The following USP54 variants were observed in gnomAD, a reference collection of about 807,000 sequenced individuals.
The protein encoded by USP54 is ubiquitin carboxyl-terminal hydrolase 54.
USP54 carries 87 observed loss-of-function variants against 170.5 expected under a neutral mutation model. The observed-to-expected ratio is 0.51, with a 90% CI of 0.43 to 0.61. The LOEUF (loss-of-function observed/expected upper bound fraction) is 0.61. Among genes scored for constraint, USP54 ranks in the 20% least tolerant of loss-of-function variants. USP54 has a pLI of 0.00. For missense variants in USP54, 1,786 were observed against 2,047.8 expected, an observed-to-expected ratio of 0.87 and a Z score of 2.47; for synonymous variants, 655 against 742.8, an observed-to-expected ratio of 0.88 and a Z score of 1.92.
chr10:73,525,360 G>A (rs534093819), intron 16 of USP54, among the ~76,000 whole-genome samples: 175 of 152,280 alleles, frequency 1.1e-3, no homozygotes, highest in African/African-American at 2.7e-3. Context: ...AAATTGTGGC[G>A]CATAAATAGG....
chr10:73,591,108 G>C (rs1432115492), intron 1 of USP54, among the ~76,000 whole-genome samples, 170 bp downstream of exon 1: 1 of 151,804 alleles, frequency 6.6e-6, no homozygotes, highest in East Asian at 1.9e-4. Flanking sequence ...CTTGAAAGTT[G>C]AGAGTCCTAA....
At chr10:73,602,606 C>T (rs1252545597) in intron 1 of USP54, among the ~76,000 whole-genome samples, 1 of 150,494 alleles carries the variant, frequency 6.6e-6, no homozygotes, top group African/African-American at 2.4e-5. Context: ...TGCCTATAAT[C>T]CCAGAACTTT....
At chr10:73,621,613 A>C (rs1362927867) in intron 1 of USP54, among the ~76,000 whole-genome samples, 1 of 151,908 alleles carries the variant, frequency 6.6e-6, no homozygotes, top group African/African-American at 2.4e-5. Flanking sequence ...AAAAAAAAAA[A>C]AAAAAACTAC....
At chr10:73,503,603 A>T (rs959882129) in intron 22 of USP54, among the ~76,000 whole-genome samples, 2 of 152,266 alleles carry the variant, frequency 1.3e-5, no homozygotes, top group African/African-American at 4.8e-5. Context: ...TTGAAAGTAC[A>T]TGAGAACAAA....
intron 4 of USP54, among the ~76,000 whole-genome samples, chr10:73,550,250 A>G (rs1436878666): frequency 6.6e-6 from 1 of 152,152 alleles, no homozygotes; most frequent in Admixed American, 6.5e-5. Flanking sequence ...GGTTCACCCT[A>G]CACCAGCTGG....
intron 20 of USP54, among the ~76,000 whole-genome samples, chr10:73,509,439 C>CA (rs1229372512): frequency 0.02 from 2,094 of 106,670 alleles, 34 homozygotes; most frequent in Non-Finnish European, 0.031. Context: ...CTGTCTCTAC[C>CA]AAAAAAAAAA....
chr10:73,536,253 G>A lies in USP54; in HGVS notation c.1144+16C>T, dbSNP rs772469988. 2 of 1,613,428 alleles carry A rather than the reference G, an allele frequency of 1.2e-6. No homozygotes were observed. Among genetic ancestry groups the A allele is most frequent in the Non-Finnish European group, 1.7e-6 (2 of 1,179,752 alleles). On this transcript the variant is annotated intron_variant, in intron 11 of 23. Coordinates refer to ENST00000687698, the MANE Select transcript of USP54 (RefSeq NM_001391956.1). ...GGGGTGAGGAGAGAGGAGAGGTAAA[G>A]AGCCTGGCTGCTCACCTGAATCTTC...
chr10:73,566,015 G>A (rs2073697702), intron 4 of USP54, among the ~76,000 whole-genome samples: 1 of 152,134 alleles, frequency 6.6e-6, no homozygotes, highest in South Asian at 2.1e-4. Context: ...CAGATCACCT[G>A]AGGTCAGGAG....
At chr10:73,548,389 C>T (rs2068368582) in intron 4 of USP54, among the ~76,000 whole-genome samples, 1 of 152,022 alleles carries the variant, frequency 6.6e-6, no homozygotes, top group African/African-American at 2.4e-5. Flanking sequence ...GGTATATACC[C>T]AAAGGATTAT....
chr10:73,612,724 C>T (rs1036060960), intron 1 of USP54, among the ~76,000 whole-genome samples: 5 of 151,424 alleles, frequency 3.3e-5, no homozygotes, highest in Non-Finnish European at 7.4e-5. Flanking sequence ...TGCCTGTACC[C>T]CACTTACTCA....
At chr10:73,602,421 C>T (rs894925085) in intron 1 of USP54, among the ~76,000 whole-genome samples, 5 of 151,600 alleles carry the variant, frequency 3.3e-5, no homozygotes, top group African/African-American at 9.7e-5. Context: ...GGCGTGGTGG[C>T]GGGCATCTGT....
At chr10:73,585,891 C>T (rs2077422843) in intron 1 of USP54, among the ~76,000 whole-genome samples, 2 of 151,944 alleles carry the variant, frequency 1.3e-5, no homozygotes, top group South Asian at 4.2e-4. Context: ...CGTGGTGGCG[C>T]GTGCCTGTAG....
chr10:73,592,471 C>CAAAAAAAA (rs367984467), upstream of USP54, among the ~76,000 whole-genome samples: 1 of 67,362 alleles, frequency 1.5e-5, no homozygotes, highest in African/African-American at 4.7e-5. Context: ...GAAAGTGCCA[C>CAAAAAAAA]AAAAAAAAAA....
In USP54 at chr10:73,621,021, T is replaced by G. The variant is rs1168087118; in HGVS notation, c.-18+4546A>C. ...AAATACAAAAATTAGCTGAGCTCGG[T>G]GGCACGTGCCTGTAATCCCAGCTAC... On this transcript the variant is annotated intron_variant, in intron 1 of 22. Transcript: ENST00000339859. Among the ~76,000 whole-genome samples the G allele has an allele frequency of 1.3e-5, 2 of 150,108 alleles. 1 individual carries two copies. The highest frequency in any genetic ancestry group is 5.1e-5 in the African/African-American group (2 of 39,562).
chr10:73,605,513 C>A (rs1174468312), intron 1 of USP54, among the ~76,000 whole-genome samples: 1 of 151,880 alleles, frequency 6.6e-6, no homozygotes, highest in East Asian at 1.9e-4. Flanking sequence ...GGCAACAGAG[C>A]AAGACTCTGT....
intron 1 of USP54, among the ~76,000 whole-genome samples, chr10:73,587,172 T>G (rs1256787935): frequency 1.3e-5 from 2 of 152,052 alleles, no homozygotes; most frequent in Admixed American, 6.6e-5. Flanking sequence ...AACATAGTGG[T>G]TAAAAGTATA....
chr10:73,499,468 C>T (rs917811885), intron 23 of USP54: 5 of 350,252 alleles, frequency 1.4e-5, no homozygotes, highest in Middle Eastern at 7.9e-4. Flanking sequence ...ACTATACACA[C>T]ACCTACAAAA....
At chr10:73,592,327 G>A (rs557810743), upstream of USP54, among the ~76,000 whole-genome samples, 5 of 151,998 alleles carry the variant, frequency 3.3e-5, no homozygotes, top group South Asian at 8.3e-4. Flanking sequence ...GAAAATATAC[G>A]AGTTGACTAA....
chr10:73,557,242 C>G (rs2071329402), intron 4 of USP54, among the ~76,000 whole-genome samples: 1 of 151,832 alleles, frequency 6.6e-6, no homozygotes, highest in African/African-American at 2.4e-5. Context: ...TAACTTAGGT[C>G]AGAAAAAATA....
Sources: allele counts gnomAD v4.1 joint callset (sites outside exome capture counted in the v4.1 genomes callset), GRCh38; gene constraint gnomAD v4.1.1; transcripts MANE v1.5; gene names NCBI Gene and HGNC (gene_info 2026-07-23, HGNC 2026-07-21).